P3H2: variants seen among roughly 807,000 people sequenced by gnomAD.
P3H2 encodes the protein leprecan-like 1.
Under a neutral mutation model 87.0 loss-of-function variants are expected in P3H2, and 80 were observed. That is an observed-to-expected ratio of 0.92 (90% CI 0.77 to 1.11). The LOEUF is 1.11. Ranked by LOEUF, P3H2 falls within the 50% of genes least tolerant of loss-of-function variation. The pLI is 0.00. For missense variants in P3H2, 1,001 were observed against 923.9 expected (o/e 1.08, Z -1.08); for synonymous variants, 367 against 359.3 (o/e 1.02, Z -0.24).
At chr3:190,048,911 A>G (rs1406375663) in intron 1 of P3H2, among the ~76,000 whole-genome samples, 1 of 152,186 alleles carries the variant, frequency 6.6e-6, no homozygotes, top group Non-Finnish European at 1.5e-5. Context: ...CAAAGGAAGG[A>G]GAAAAATAGC....
intron 1 of P3H2, among the ~76,000 whole-genome samples, chr3:190,070,727 G>C (rs1009522776): frequency 2.6e-5 from 4 of 152,136 alleles, no homozygotes; most frequent in Non-Finnish European, 4.4e-5. Context: ...GCTATCTTCA[G>C]TTAAACAACA....
chr3:190,065,720 A>G (rs937163250), intron 1 of P3H2, among the ~76,000 whole-genome samples: 1 of 152,154 alleles, frequency 6.6e-6, no homozygotes, highest in Admixed American at 6.6e-5. Flanking sequence ...TCTGTTACCA[A>G]GATATAAGTA....
intron 8 of P3H2, among the ~76,000 whole-genome samples, chr3:189,978,169 G>C (rs1200701087): frequency 6.6e-6 from 1 of 152,186 alleles, no homozygotes; most frequent in Non-Finnish European, 1.5e-5. Context: ...ATGAAAGACA[G>C]ATGAGAGATT....
intron 1 of P3H2, among the ~76,000 whole-genome samples, chr3:190,039,512 T>C (rs1725534742): frequency 1.3e-5 from 2 of 152,046 alleles, no homozygotes; most frequent in African/African-American, 2.4e-5. Context: ...GTCTTATATA[T>C]TGTTAATTGC....
chr3:189,970,097 TTG>T (rs36166104), intron 13 of P3H2, among the ~76,000 whole-genome samples: 184 of 141,340 alleles, frequency 1.3e-3, no homozygotes, highest in Middle Eastern at 0.011. Context: ...GTTTACATAT[TTG>T]TGTGTGTGTG....
At chr3:190,106,016 G>C (rs1364750357) in intron 1 of P3H2, among the ~76,000 whole-genome samples, 1 of 152,164 alleles carries the variant, frequency 6.6e-6, no homozygotes, top group Non-Finnish European at 1.5e-5. Context: ...TCAAACTTAA[G>C]TCATCTCCCA....
rs1056168476 is a variant in P3H2 at position 189,986,838 on chromosome 3, C to G, written c.1138G>C (p.Glu380Gln). The part of the protein sequence containing the change: ...MFVKRHKLES[E>Q]LIKSAAEGLG... The stretch of plus-strand genomic sequence containing the variant: ...CCTTCTGCAGCTGATTTTATCAGCT[C>G]AGACTCCAGCTTATGACGTTTCACA... The change falls in exon 6 of 15, where the codon GAG becomes CAG. Residue 380 changes from glutamate to glutamine, a missense_variant. Glu to Gln is a conservative substitution (Grantham distance 29). Coordinates refer to ENST00000319332, the MANE Select transcript of P3H2 (RefSeq NM_018192.4). 1 of 1,613,210 alleles carries G rather than the reference C, an allele frequency of 6.2e-7. No homozygotes were observed. Among genetic ancestry groups the G allele is most frequent in the African/African-American group, 1.3e-5 (1 of 74,866 alleles).
At position 189,957,166 on chromosome 3, in the gene P3H2, A is replaced by C. The variant is rs555460543; in HGVS notation, c.*746T>G. On this transcript the variant is annotated 3_prime_UTR_variant, in exon 15 of 15. Coordinates refer to ENST00000319332, the MANE Select transcript of P3H2 (RefSeq NM_018192.4). ...CCTCTGTCTCATACAGTAATCATCC[A>C]TGAGATCTCCCGGAGCCTGGGTGAT... is the stretch of plus-strand genomic sequence containing the variant. The C allele has an allele frequency of 5.0e-6, 2 of 398,726 alleles. No individual in the cohort carries two copies. Among genetic ancestry groups the C allele is most frequent in the Admixed American group, 8.8e-5 (2 of 22,746 alleles). The allele number at this position is 398,726 out of a possible 1,614,324, so 24.7% of individuals were successfully genotyped here.
At chr3:190,047,580 C>T (rs1002916811) in intron 1 of P3H2, among the ~76,000 whole-genome samples, 6 of 152,148 alleles carry the variant, frequency 3.9e-5, no homozygotes, top group Non-Finnish European at 5.9e-5. Context: ...ATAATATTCT[C>T]GTGTGTATAT....
chr3:190,023,033 A>T (rs1269988577), intron 1 of P3H2, among the ~76,000 whole-genome samples: 2 of 150,842 alleles, frequency 1.3e-5, no homozygotes, highest in African/African-American at 2.5e-5. Flanking sequence ...TCACCGTGTT[A>T]GCCAGGATGG....
intron 1 of P3H2, among the ~76,000 whole-genome samples, chr3:190,093,759 TG>T (rs1727487175): frequency 6.6e-6 from 1 of 152,256 alleles, no homozygotes; most frequent in Non-Finnish European, 1.5e-5. Context: ...GTTGTCAAAA[TG>T]ATTTGCAGTA....
At chr3:190,040,837 C>T (rs1051179972) in intron 1 of P3H2, among the ~76,000 whole-genome samples, 2 of 151,200 alleles carry the variant, frequency 1.3e-5, no homozygotes, top group Non-Finnish European at 2.9e-5. Flanking sequence ...TACTACAAAG[C>T]TAGTACACAT....
intron 1 of P3H2, among the ~76,000 whole-genome samples, chr3:190,045,993 G>A (rs746920691): frequency 2.6e-5 from 4 of 152,192 alleles, no homozygotes; most frequent in South Asian, 2.1e-4. Flanking sequence ...CGTGGTGGCG[G>A]GCGCCTGTGG....
chr3:190,107,792 T>G (rs1323843868), intron 1 of P3H2, among the ~76,000 whole-genome samples: 1 of 152,208 alleles, frequency 6.6e-6, no homozygotes. Context: ...TACATTTCTT[T>G]CAAGCCTCAG....
rs34737545 is a variant in P3H2 at position 190,101,368 on chromosome 3, C to CAAAA, written c.480+18880_480+18883dup. 2.9e-4 allele frequency among the ~76,000 whole-genome samples: 7 copies of CAAAA among 23,954 alleles called. 1 individual carries two copies. Among genetic ancestry groups the CAAAA allele is most frequent in the African/African-American group, 1.2e-3 (7 of 5,868 alleles). The allele number at this position is 23,954 out of a possible 152,430, so 15.7% of individuals were successfully genotyped here. A position where few individuals can be genotyped will look rare whatever the true frequency, so the allele number is the denominator to read the frequency against. ...GCATCAGTTCACCAAATCATGAACG[C>CAAAA]AAAAAAAAAAAAAAAAAAAAAAAAA... On this transcript the variant is annotated intron_variant, in intron 1 of 14. Transcript: ENST00000319332.
At chr3:190,108,930 T>TC in intron 1 of P3H2, among the ~76,000 whole-genome samples, 1 of 152,360 alleles carries the variant, frequency 6.6e-6, no homozygotes. Flanking sequence ...AGGAATTACT[T>TC]CCTTCTCTTT....
intron 4 of P3H2, chr3:189,987,874 C>A: frequency 1.6e-6 from 1 of 607,022 alleles, no homozygotes; most frequent in Non-Finnish European, 2.9e-6. Context: ...TACCTTTGGT[C>A]TGCTTTGGTA....
intron 1 of P3H2, among the ~76,000 whole-genome samples, chr3:190,117,645 GTTTTT>G (rs11357414): frequency 1.6e-5 from 2 of 125,786 alleles, no homozygotes; most frequent in Non-Finnish European, 3.4e-5. Flanking sequence ...TATTTGAGAG[GTTTTT>G]TTTTTTTTTT....
At chr3:190,116,302 T>G (rs1712285471) in intron 1 of P3H2, among the ~76,000 whole-genome samples, 1 of 152,236 alleles carries the variant, frequency 6.6e-6, no homozygotes, top group Non-Finnish European at 1.5e-5. Context: ...CAATGGTTAC[T>G]GAGAATCAGG....
Sources: gnomAD v4.1 joint callset for allele counts (sites outside exome capture counted in the v4.1 genomes callset) on GRCh38, gnomAD v4.1.1 for gene constraint, MANE v1.5 for transcripts, NCBI Gene and HGNC (gene_info 2026-07-23, HGNC 2026-07-21) for gene names.